Variants in LRP1B observed in about 807,000 individuals in gnomAD.
The protein encoded by LRP1B is LDL receptor related protein 1B.
Under a neutral mutation model 556.6 loss-of-function variants are expected in LRP1B, and 217 were observed. The ratio of observed to expected loss-of-function variants is 0.39; its 90% CI spans 0.35 to 0.44. LRP1B has a LOEUF of 0.44. Ranked by LOEUF, LRP1B falls within the 20% of genes least tolerant of loss-of-function variation. The pLI, the probability that LRP1B is intolerant of heterozygous loss-of-function variation, is 1.00. For synonymous variants in LRP1B, 2,047 were observed against 1,865.8 expected, an observed-to-expected ratio of 1.10 and a Z score of -2.50; for missense variants, 5,053 against 5,620.8, an observed-to-expected ratio of 0.90 and a Z score of 3.23.
chr2:141,597,603 G>T (rs905216312), intron 2 of LRP1B, among the ~76,000 whole-genome samples: 3 of 152,038 alleles, frequency 2.0e-5, no homozygotes, highest in East Asian at 1.9e-4. Context: ...ATATTGGAAG[G>T]TCCTTAGTTT....
chr2:140,701,840 T>G lies in LRP1B; in HGVS notation c.6308A>C (p.His2103Pro). ...GCCCCTTCTGACAGACCCGTTTGCA[T>G]GTGCTCTGCCAAAAAGTTGAACATA... ...GAYIYWSDRA[H>P]ANGSVRRGHK... The change falls in exon 40 of 91, where the codon CAT (histidine) becomes CCT (proline). Residue 2103 changes from histidine to proline, a missense_variant. Transcript: ENST00000389484. 6.2e-7 allele frequency: 1 copy of G among 1,612,910 alleles called. No homozygotes were observed. The highest frequency in any genetic ancestry group is 8.5e-7 in the Non-Finnish European group (1 of 1,179,284).
intron 25 of LRP1B, among the ~76,000 whole-genome samples, chr2:140,874,704 G>A (rs1198973522): frequency 6.6e-6 from 1 of 151,678 alleles, no homozygotes; most frequent in Admixed American, 6.6e-5. Context: ...TTAAATTACA[G>A]GGCTTGGACT....
intron 6 of LRP1B, among the ~76,000 whole-genome samples, chr2:141,207,251 C>T (rs1052986444): frequency 6.6e-5 from 10 of 152,006 alleles, no homozygotes; most frequent in African/African-American, 1.2e-4. Context: ...ACTGACATAT[C>T]GACATTAGAA....
Position 140,322,108 on chromosome 2 carries a change from C to CAAAG in LRP1B, c.12515-24_12515-21dup. 1 of 1,606,118 alleles carries CAAAG rather than the reference C, an allele frequency of 6.2e-7. No individual in the cohort carries two copies. The highest frequency in any genetic ancestry group is 2.2e-5 in the East Asian group (1 of 44,632). ...TGGGTACTGGTGAAACAAAAGAAAA[C>CAAAG]AAAGAAGTGTGTAAATATAGATACA... On this transcript the variant is annotated intron_variant, in intron 81 of 90. Coordinates refer to ENST00000389484, the MANE Select transcript of LRP1B (RefSeq NM_018557.3).
chr2:140,840,020 A>G lies in LRP1B; in HGVS notation c.5180T>C (p.Ile1727Thr). The change falls in exon 31 of 91, where the codon ATT becomes ACT. Residue 1727 changes from isoleucine (I) to threonine (T), a missense_variant. Transcript: ENST00000389484. ...TGGCTCCTTCTGATTCTGAAACAGA[A>G]TCTTGCTATTACTGCCATCCATATT... Reference protein sequence around the residue: ...MANMDGSNSKILFQNQKEPVG... With the variant: ...MANMDGSNSKTLFQNQKEPVG... 6.2e-7 allele frequency: 1 copy of G among 1,610,814 alleles called. No individual in the cohort carries two copies. The highest frequency in any genetic ancestry group is 1.1e-5 in the South Asian group (1 of 90,378).
At chr2:141,820,248 G>C (rs567120404) in intron 1 of LRP1B, among the ~76,000 whole-genome samples, 1 of 152,102 alleles carries the variant, frequency 6.6e-6, no homozygotes, top group African/African-American at 2.4e-5. Context: ...TTTTGCAAAA[G>C]ATAATTCCTT....
chr2:141,215,733 C>T (rs300378), intron 6 of LRP1B, among the ~76,000 whole-genome samples: 16,951 of 152,128 alleles, frequency 0.11, 1,076 homozygotes, highest in South Asian at 0.2. Flanking sequence ...AGAGTGATAG[C>T]CTAGGGTATC....
intron 3 of LRP1B, among the ~76,000 whole-genome samples, chr2:141,312,754 T>C (rs932426751): frequency 2.6e-4 from 40 of 152,106 alleles, no homozygotes; most frequent in Non-Finnish European, 2.4e-4. Context: ...AGTGGCACAA[T>C]CTCCACTCAC....
rs1689262407 is a variant in LRP1B at position 140,503,006 on chromosome 2, G to A, written c.8619C>T (p.Asp2873=). ...GGTTTAAAGGTGCTTCATCAGAATG[G>A]TCAGGACAGTCAAAGTCTCCATCAC... ...WQCDGDFDCP[D]HSDEAPLNPK... is the part of the protein sequence containing the mutation. The change falls in exon 54 of 91, where the codon GAC becomes GAT. Residue 2873 remains aspartate, a synonymous_variant. Transcript: ENST00000389484. The A allele has an allele frequency of 1.2e-6, 2 of 1,613,244 alleles. No homozygotes were observed. Among genetic ancestry groups the A allele is most frequent in the Non-Finnish European group, 1.7e-6 (2 of 1,179,378 alleles).
At chr2:140,501,581 A>T in intron 55 of LRP1B, 106 bp downstream of exon 55, 1 of 718,042 alleles carries the variant, frequency 1.4e-6, no homozygotes, top group Non-Finnish European at 2.1e-6. Flanking sequence ...AATTCGTTTT[A>T]ATATTATGAT....
intron 1 of LRP1B, among the ~76,000 whole-genome samples, chr2:141,930,581 C>T (rs1041584921): frequency 1.3e-5 from 2 of 151,952 alleles, no homozygotes; most frequent in Non-Finnish European, 2.9e-5. Context: ...TAACCATCTT[C>T]CAAAATGTAT....
chr2:140,253,844 T>C (rs1324542995), intron 86 of LRP1B, among the ~76,000 whole-genome samples: 1 of 152,178 alleles, frequency 6.6e-6, no homozygotes, highest in Non-Finnish European at 1.5e-5. Flanking sequence ...GCCATTACAT[T>C]AGACACACTG....
chr2:141,811,614 G>A (rs767997742), intron 1 of LRP1B, among the ~76,000 whole-genome samples: 1 of 152,034 alleles, frequency 6.6e-6, no homozygotes, highest in Non-Finnish European at 1.5e-5. Context: ...GGGTATAAGA[G>A]TAGTCTTTTC....
At chr2:140,390,805 CAACAT>C (rs1293625250) in intron 66 of LRP1B, among the ~76,000 whole-genome samples, 2 of 142,642 alleles carry the variant, frequency 1.4e-5, no homozygotes, top group Non-Finnish European at 3.1e-5. Context: ...CACACACACA[CAACAT>C]ATTTGAGTAG....
chr2:140,946,607 GAACAACAAC>G (rs377380113), intron 20 of LRP1B, among the ~76,000 whole-genome samples: 35 of 151,736 alleles, frequency 2.3e-4, no homozygotes, highest in African/African-American at 8.0e-4. Flanking sequence ...TCTCAAACAA[GAACAACAAC>G]AACAACAACA....
In LRP1B at chr2:140,455,362, C is replaced by T. The variant is rs185091287; in HGVS notation, c.9963+1093G>A. On this transcript the variant is annotated intron_variant, in intron 62 of 90. Coordinates refer to ENST00000389484, the MANE Select transcript of LRP1B (RefSeq NM_018557.3). ...AACTTTTTAATGTAAATTTCGGCTG[C>T]AGTATAGGGCAAGAGTAATAATAAC... Among the ~76,000 whole-genome samples the T allele has an allele frequency of 1.8e-4, 27 of 152,236 alleles. 1 individual carries two copies. Among genetic ancestry groups the T allele is most frequent in the Middle Eastern group, 3.4e-3 (1 of 294 alleles).
intron 1 of LRP1B, among the ~76,000 whole-genome samples, chr2:142,059,290 T>TG (rs1704804509): frequency 6.6e-6 from 1 of 152,110 alleles, no homozygotes; most frequent in South Asian, 2.1e-4. Flanking sequence ...GTGAATTTTT[T>TG]GGTATGGAAA....
intron 7 of LRP1B, among the ~76,000 whole-genome samples, chr2:141,075,957 T>G (rs535155231): frequency 1.3e-5 from 2 of 152,194 alleles, no homozygotes; most frequent in African/African-American, 4.8e-5. Context: ...TGCAATAATA[T>G]TGCAGTGATG....
intron 3 of LRP1B, among the ~76,000 whole-genome samples, chr2:141,433,888 C>T (rs1178783608): frequency 1.4e-5 from 2 of 147,590 alleles, no homozygotes; most frequent in African/African-American, 5.0e-5. Flanking sequence ...CTGCTATTCT[C>T]AGTACTTCTG....
Sources: allele counts gnomAD v4.1 joint callset (sites outside exome capture counted in the v4.1 genomes callset), GRCh38; gene constraint gnomAD v4.1.1; transcripts MANE v1.5; gene names NCBI Gene and HGNC (gene_info 2026-07-23, HGNC 2026-07-21).